Variants in PARD3 observed in about 807,000 individuals in gnomAD.
PARD3 encodes partitioning defective 3 homolog.
A neutral mutation model predicts 155.4 loss-of-function variants in PARD3; 75 were observed. That is an observed-to-expected ratio of 0.48 (90% CI 0.40 to 0.58). The LOEUF (loss-of-function observed/expected upper bound fraction) is 0.58, where lower values mean the gene tolerates loss of function less well. PARD3 is among the 20% of genes least tolerant of loss of function. PARD3 has a pLI of 0.00. For missense variants in PARD3, 1,642 were observed against 1,721.7 expected (o/e 0.95, Z 0.82); for synonymous variants, 576 against 610.5 (o/e 0.94, Z 0.83).
intron 20 of PARD3, among the ~76,000 whole-genome samples, chr10:34,307,327 G>C (rs894313012): frequency 1.3e-5 from 2 of 152,154 alleles, no homozygotes; most frequent in African/African-American, 4.8e-5. Context: ...ACAGTGGGGA[G>C]GAAAGGCTGT....
intron 2 of PARD3, among the ~76,000 whole-genome samples, chr10:34,624,545 G>A (rs2091883434): frequency 1.3e-5 from 2 of 152,188 alleles, no homozygotes; most frequent in South Asian, 4.1e-4. Context: ...GATCCTTGGT[G>A]CACTCAGCGG....
chr10:34,722,289 G>A (rs1435808049), intron 1 of PARD3, among the ~76,000 whole-genome samples: 1 of 152,014 alleles, frequency 6.6e-6, no homozygotes, highest in African/African-American at 2.4e-5. Context: ...TATATAGATT[G>A]TCTAAACAGT....
At chr10:34,373,961 C>T (rs1840958845) in intron 11 of PARD3, among the ~76,000 whole-genome samples, 1 of 152,118 alleles carries the variant, frequency 6.6e-6, no homozygotes, top group South Asian at 2.1e-4. Context: ...TTTCTAAAAC[C>T]TTGTCACTCT....
chr10:34,572,826 A>G (rs2086541804), intron 2 of PARD3, among the ~76,000 whole-genome samples: 1 of 152,068 alleles, frequency 6.6e-6, no homozygotes. Context: ...GCTATAGATA[A>G]AACATAACAA....
At chr10:34,673,890 C>T (rs2093651531) in intron 2 of PARD3, among the ~76,000 whole-genome samples, 1 of 150,804 alleles carries the variant, frequency 6.6e-6, no homozygotes, top group Non-Finnish European at 1.5e-5. Context: ...ATGTGGGAGG[C>T]TGAAGACTCA....
At chr10:34,262,292 G>C (rs1479339864) in intron 22 of PARD3, among the ~76,000 whole-genome samples, 1 of 151,782 alleles carries the variant, frequency 6.6e-6, no homozygotes, top group East Asian at 1.9e-4. Context: ...TTAGAGACGA[G>C]GTCTCACTCT....
intron 4 of PARD3, among the ~76,000 whole-genome samples, chr10:34,459,329 G>C: frequency 6.6e-6 from 1 of 151,438 alleles, no homozygotes; most frequent in Non-Finnish European, 1.5e-5. Context: ...ACCATGCCCA[G>C]CTAATTTTTT....
At chr10:34,547,820 A>C (rs2084218125) in intron 2 of PARD3, among the ~76,000 whole-genome samples, 1 of 152,242 alleles carries the variant, frequency 6.6e-6, no homozygotes, top group Non-Finnish European at 1.5e-5. Flanking sequence ...TTAAGCATTA[A>C]ATTAACCAGC....
chr10:34,733,109 AT>A lies in PARD3; in HGVS notation c.121-36691del, dbSNP rs527533012. Among the ~76,000 whole-genome samples the A allele has an allele frequency of 5.3e-5, 8 of 152,352 alleles. No homozygotes were observed. The South Asian group carries it at 1.7e-3, about 32-fold the overall frequency. Reference sequence around the variant, plus strand: ...ACAAGGAAACAAGAAGCTCACCTCTATCAATGGAAAACATAAAAGTCTCACT... The same window carrying A: ...ACAAGGAAACAAGAAGCTCACCTCTACAATGGAAAACATAAAAGTCTCACT... On this transcript the variant is annotated intron_variant, in intron 1 of 24. Transcript: ENST00000374788.
chr10:34,655,646 G>C (rs1421243492), intron 2 of PARD3, among the ~76,000 whole-genome samples: 2 of 152,170 alleles, frequency 1.3e-5, no homozygotes, highest in Non-Finnish European at 2.9e-5. Flanking sequence ...TAAATAAGGG[G>C]ATGAGAACGC....
In PARD3 at chr10:34,713,880, C is replaced by G. The variant is rs558618843; in HGVS notation, c.121-17461G>C. Among the ~76,000 whole-genome samples, 25 of 152,214 alleles carry G rather than the reference C, an allele frequency of 1.6e-4. No individual in the cohort carries two copies. In the South Asian group the frequency reaches 5.0e-3, roughly 30 times the overall value. On this transcript the variant is annotated intron_variant, in intron 1 of 24. Coordinates refer to ENST00000374788, the MANE Select transcript of PARD3 (RefSeq NM_001184785.2). ...TCTGGAGAGGTTACCTCCTCTGAGG[C>G]CTGGTAACTATAATATTGGGTGGTA...
chr10:34,219,232 GC>G (rs1952157345), intron 22 of PARD3, among the ~76,000 whole-genome samples: 1 of 152,148 alleles, frequency 6.6e-6, no homozygotes, highest in African/African-American at 2.4e-5. Context: ...GTCTTAGGAG[GC>G]TGATATCCCA....
chr10:34,586,498 G>A (rs1307433270), intron 2 of PARD3, among the ~76,000 whole-genome samples: 1 of 152,130 alleles, frequency 6.6e-6, no homozygotes, highest in East Asian at 1.9e-4. Flanking sequence ...TTTTTATACA[G>A]ATCAAATCCA....
chr10:34,116,328 T>C (rs911438165), intron 24 of PARD3, among the ~76,000 whole-genome samples: 2 of 152,260 alleles, frequency 1.3e-5, no homozygotes, highest in Non-Finnish European at 2.9e-5. Context: ...AACTATACTT[T>C]TTTTCTGTGT....
chr10:34,261,781 A>AAAGAAAG (rs1554820300), intron 22 of PARD3, among the ~76,000 whole-genome samples: 114 of 131,996 alleles, frequency 8.6e-4, no homozygotes, highest in Non-Finnish European at 1.1e-3. Context: ...AGAAAGAAAG[A>AAAGAAAG]AAAGAAAGAA....
chr10:34,379,781 A>G (rs1370220740), intron 9 of PARD3, among the ~76,000 whole-genome samples: 1 of 152,140 alleles, frequency 6.6e-6, no homozygotes, highest in African/African-American at 2.4e-5. Flanking sequence ...TTAAAAAGCT[A>G]ATTTCTACAA....
intron 22 of PARD3, among the ~76,000 whole-genome samples, chr10:34,210,303 T>G (rs1951681977): frequency 6.6e-6 from 1 of 152,182 alleles, no homozygotes; most frequent in Non-Finnish European, 1.5e-5. Context: ...TGAGTTTTCT[T>G]TTATTCAGTA....
chr10:34,593,491 C>G (rs2088923826), intron 2 of PARD3, among the ~76,000 whole-genome samples: 1 of 152,142 alleles, frequency 6.6e-6, no homozygotes, highest in Non-Finnish European at 1.5e-5. Flanking sequence ...TTTCTAAACA[C>G]CTATTTAGAT....
intron 1 of PARD3, among the ~76,000 whole-genome samples, chr10:34,737,421 G>GACTAAGAAAGACGTC (rs1187789160): frequency 1.3e-5 from 2 of 152,142 alleles, no homozygotes; most frequent in East Asian, 1.9e-4. Flanking sequence ...CCCCAACAAG[G>GACTAAGAAAGACGTC]ACTAAGAAAG....
Sources: gnomAD v4.1 joint callset for allele counts (sites outside exome capture counted in the v4.1 genomes callset) on GRCh38, gnomAD v4.1.1 for gene constraint, MANE v1.5 for transcripts, NCBI Gene and HGNC (gene_info 2026-07-23, HGNC 2026-07-21) for gene names.